The following ITPKC variants were observed in gnomAD, a reference collection of about 807,000 sequenced individuals.
The protein encoded by ITPKC is inositol-trisphosphate 3-kinase C, also known as IP3 3-kinase C.
Under a neutral mutation model 67.1 loss-of-function variants are expected in ITPKC, and 33 were observed. The ratio of observed to expected loss-of-function variants is 0.49; its 90% CI spans 0.37 to 0.66. The LOEUF (loss-of-function observed/expected upper bound fraction) is 0.66. ITPKC is among the 30% of genes least tolerant of loss of function. The probability of loss-of-function intolerance (pLI) is 0.00; values close to 1 mark genes in which losing one functional copy is unlikely to be tolerated. For missense variants in ITPKC, 820 were observed against 892.1 expected (o/e 0.92, Z 1.03); for synonymous variants, 341 against 359.8 (o/e 0.95, Z 0.59).
At chr19:40,721,664 C>T (rs548137842) in intron 1 of ITPKC, among the ~76,000 whole-genome samples, 1 of 151,880 alleles carries the variant, frequency 6.6e-6, no homozygotes, top group East Asian at 1.9e-4. Flanking sequence ...CCACTGTGCC[C>T]GGCCCGGATC....
chr19:40,729,428 C>T lies in ITPKC; in HGVS notation c.1469+13C>T, dbSNP rs1294932296. 2 of 1,607,034 alleles carry T rather than the reference C, an allele frequency of 1.2e-6. No individual in the cohort carries two copies. The highest frequency in any genetic ancestry group is 1.7e-6 in the Non-Finnish European group (2 of 1,176,508). On this transcript the variant is annotated intron_variant, in intron 3 of 6. Coordinates refer to ENST00000263370, the MANE Select transcript of ITPKC (RefSeq NM_025194.3). ...AGATGGGCAGCAGGTGGGGCTGGGG[C>T]AGCCCTGGGGCAGGGATGGAGGGCA...
chr19:40,729,655 T>C (rs755656701), intron 3 of ITPKC, among the ~76,000 whole-genome samples: 23 of 151,932 alleles, frequency 1.5e-4, no homozygotes, highest in Admixed American at 9.8e-4. Flanking sequence ...TAATCCCAGC[T>C]ACTCAGGAGG....
chr19:40,739,676 G>A lies in ITPKC; in HGVS notation c.*116G>A. 1.1e-6 allele frequency: 1 copy of A among 896,984 alleles called. No homozygotes were observed. Among genetic ancestry groups the A allele is most frequent in the Non-Finnish European group, 1.7e-6 (1 of 592,518 alleles). The allele number at this position is 896,984 out of a possible 1,614,324, so 55.6% of individuals were successfully genotyped here. ...GGAGCTGGCCTCCAGGGACGGGAGA[G>A]ATTGTGTCATGTGCCACACGAGACC... On this transcript the variant is annotated 3_prime_UTR_variant, in exon 7 of 7. Coordinates refer to ENST00000263370, the MANE Select transcript of ITPKC (RefSeq NM_025194.3).
Position 40,718,120 on chromosome 19 carries a change from C to A in ITPKC, c.985C>A (p.Arg329Ser). Residue 329 changes from arginine to serine, a missense_variant, in exon 1 of 7, where the codon CGC (arginine) becomes AGC (serine). By Grantham distance (110) the Arg-to-Ser change is moderately radical (BLOSUM62 -1). Around this residue, in one of 2 missense-constraint regions of ITPKC, gnomAD observed 481 missense variants for 470.1 expected, o/e 1.02. Transcript: ENST00000263370. ...LKCSPLCPVP[R>S]LIITPETPEP... The stretch of plus-strand genomic sequence containing the variant: ...GTGTAGCCCCCTGTGCCCTGTGCCC[C>A]GCCTCATCATTACCCCTGAGACCCC... The A allele has an allele frequency of 1.9e-6, 3 of 1,612,038 alleles. No homozygotes were observed. Among genetic ancestry groups the A allele is most frequent in the Non-Finnish European group, 8.5e-7 (1 of 1,179,570 alleles).
At chr19:40,728,524 C>T (rs140153475) in intron 2 of ITPKC, among the ~76,000 whole-genome samples, 1 of 152,318 alleles carries the variant, frequency 6.6e-6, no homozygotes, top group East Asian at 1.9e-4. Flanking sequence ...TGGTTGTTAG[C>T]ACCTTGGGAT....
Position 40,729,326 on chromosome 19 carries a change from G to C in ITPKC, c.1380G>C (p.Val460=). The change falls in exon 3 of 7, where the codon GTG becomes GTC. Residue 460 remains valine (V), a synonymous_variant. Transcript: ENST00000263370. ...TCGTGCCTGCCTACTATGGCATGGT[G>C]CTGCAGGATGGCCAGACCTTCAACC... ...RPFVPAYYGM[V]LQDGQTFNQM... 6.2e-7 allele frequency: 1 copy of C among 1,614,210 alleles called. No homozygotes were observed.
intron 1 of ITPKC, among the ~76,000 whole-genome samples, chr19:40,725,036 G>GTCCTTACTCATAAGA (rs545778498): frequency 6.6e-6 from 1 of 151,956 alleles, no homozygotes; most frequent in Non-Finnish European, 1.5e-5. Flanking sequence ...AACCTAGCCT[G>GTCCTTACTCATAAGA]TCCTTACTCA....
At position 40,718,022 on chromosome 19, in the gene ITPKC, G is replaced by A; in HGVS notation, c.887G>A (p.Gly296Glu). The change falls in exon 1 of 7, where the codon GGA becomes GAA. Residue 296 changes from glycine (G) to glutamate (E), a missense_variant. Gly to Glu is a moderately conservative substitution (Grantham distance 98, BLOSUM62 -2). This residue lies in a region of ITPKC where 481 missense variants were observed against 470.1 expected (regional missense o/e 1.02). Coordinates refer to ENST00000263370, the MANE Select transcript of ITPKC (RefSeq NM_025194.3). ...QTAPGTDCLL[G>E]EPEDGPLEEP... is the part of the protein sequence containing the mutation. ...GCACCTGGGACAGACTGCCTCTTGG[G>A]AGAGCCTGAGGATGGCCCATTAGAG... 2 of 1,614,176 alleles carry A rather than the reference G, an allele frequency of 1.2e-6. No individual in the cohort carries two copies. The highest frequency in any genetic ancestry group is 1.7e-6 in the Non-Finnish European group (2 of 1,180,006).
intron 1 of ITPKC, among the ~76,000 whole-genome samples, chr19:40,720,888 C>T (rs1453526761): frequency 6.6e-6 from 1 of 151,582 alleles, no homozygotes; most frequent in East Asian, 1.9e-4. Context: ...TCTCCCTTTC[C>T]TCCTTCCTTC....
chr19:40,734,609 C>T (rs1220042990), intron 4 of ITPKC, among the ~76,000 whole-genome samples: 2 of 149,956 alleles, frequency 1.3e-5, no homozygotes, highest in Non-Finnish European at 3.0e-5. Context: ...TCTCATTCTT[C>T]TCTTTTCTTT....
intron 4 of ITPKC, among the ~76,000 whole-genome samples, chr19:40,736,480 A>G (rs1219914610): frequency 6.6e-6 from 1 of 151,834 alleles, no homozygotes; most frequent in African/African-American, 2.4e-5. Context: ...TCTGGCAGCA[A>G]GTGTGCAGGC....
At chr19:40,724,249 G>A (rs1308662252) in intron 1 of ITPKC, among the ~76,000 whole-genome samples, 1 of 152,178 alleles carries the variant, frequency 6.6e-6, no homozygotes, top group East Asian at 1.9e-4. Flanking sequence ...AAGTAGCTGG[G>A]CATGGTGGCA....
At chr19:40,732,171 T>C (rs1031112835) in intron 3 of ITPKC, among the ~76,000 whole-genome samples, 2 of 135,628 alleles carry the variant, frequency 1.5e-5, no homozygotes, top group African/African-American at 5.7e-5. Flanking sequence ...CGGGAGGTCC[T>C]AGAAGTTGCA....
At chr19:40,737,185 G>C in intron 5 of ITPKC, 98 bp downstream of exon 5, 1 of 840,082 alleles carries the variant, frequency 1.2e-6, no homozygotes, top group Non-Finnish European at 1.9e-6. Context: ...GGTGGGGCTG[G>C]ACTGATACTG....
chr19:40,729,552 G>A, intron 3 of ITPKC, 137 bp downstream of exon 3: 3 of 736,608 alleles, frequency 4.1e-6, no homozygotes, highest in Non-Finnish European at 6.7e-6. Context: ...GATCACCTGA[G>A]GTTGGGAGTT....
chr19:40,726,078 T>TA (rs1352151725), intron 2 of ITPKC, among the ~76,000 whole-genome samples: 4 of 151,986 alleles, frequency 2.6e-5, no homozygotes, highest in African/African-American at 4.8e-5. Flanking sequence ...CCTTCTCTAC[T>TA]AAAAATAAAA....
chr19:40,725,235 C>G (rs568680848), intron 1 of ITPKC, 105 bp from the exon 2 acceptor site: 2 of 709,238 alleles, frequency 2.8e-6, no homozygotes, highest in Non-Finnish European at 5.0e-6. Context: ...AGCCCCTGGC[C>G]CTGGAAAGAC....
In ITPKC at chr19:40,737,994, A is replaced by G. The variant is rs1334017529; in HGVS notation, c.1848+225A>G. On this transcript the variant is annotated intron_variant, in intron 6 of 6. Transcript: ENST00000263370. Reference sequence around the variant, plus strand: ...CAGCAAGACCCCGTCTCTATTTGGAAAAAAAAAAAAAAAAAAAGGCCGGGT... The same window carrying G: ...CAGCAAGACCCCGTCTCTATTTGGAGAAAAAAAAAAAAAAAAAGGCCGGGT... Among the ~76,000 whole-genome samples, 7 of 40,258 alleles carry G rather than the reference A, an allele frequency of 1.7e-4. No individual in the cohort carries two copies. In the East Asian group the frequency reaches 6.0e-3, roughly 34 times the overall value. The allele number at this position is 40,258 out of a possible 152,430, so 26.4% of individuals were successfully genotyped here.
intron 3 of ITPKC, among the ~76,000 whole-genome samples, chr19:40,729,781 GA>G (rs201148189): frequency 0.022 from 3,311 of 152,010 alleles, 111 homozygotes; most frequent in African/African-American, 0.075. Context: ...AAAAAGAAAA[GA>G]AAAGAAAAGA....
Sources: gnomAD v4.1 joint callset for allele counts (sites outside exome capture counted in the v4.1 genomes callset) on GRCh38, gnomAD v4.1.1 for gene constraint, gnomAD v4.1.1 regional missense constraint, MANE v1.5 for transcripts, NCBI Gene and HGNC (gene_info 2026-07-23, HGNC 2026-07-21) for gene names.